HELZ: variants seen among roughly 807,000 people sequenced by gnomAD.
HELZ encodes the protein helicase with zinc finger, also known as ATP-dependent RNA helicase with zinc finger domain.
A neutral mutation model predicts 218.2 loss-of-function variants in HELZ; 23 were observed. The observed-to-expected ratio is 0.11, with a 90% CI of 0.08 to 0.15. HELZ has a LOEUF of 0.15. Ranked by LOEUF, HELZ falls within the 10% of genes least tolerant of loss-of-function variation. The pLI is 1.00. For missense variants in HELZ, 1,813 were observed against 2,353.7 expected, an observed-to-expected ratio of 0.77 and a Z score of 4.75; for synonymous variants, 814 against 829.4, an observed-to-expected ratio of 0.98 and a Z score of 0.32.
chr17:67,122,046 T>A (rs2037625816), intron 26 of HELZ, among the ~76,000 whole-genome samples: 1 of 152,218 alleles, frequency 6.6e-6, no homozygotes, highest in South Asian at 2.1e-4. Flanking sequence ...AATATTTAGA[T>A]TTACAAATTA....
Position 67,128,861 on chromosome 17 carries a change from GA to G in HELZ, c.3183-7del, listed in dbSNP as rs747493370. On this transcript the variant is annotated splice_polypyrimidine_tract_variant and splice_region_variant and intron_variant, in intron 23 of 32. Transcript: ENST00000358691. Reference sequence around the variant, plus strand: ...TAAACCGTTCCCAAAATTTCCTACAGAAAAGATTTACAAGATCAGATTACAA... The same window carrying G: ...TAAACCGTTCCCAAAATTTCCTACAGAAAGATTTACAAGATCAGATTACAA... 1.8e-5 allele frequency: 29 copies of G among 1,604,394 alleles called. No individual in the cohort carries two copies. In the African/African-American group the frequency reaches 3.5e-4, roughly 19 times the overall value.
At chr17:67,162,887 AG>A (rs2039031082) in intron 15 of HELZ, among the ~76,000 whole-genome samples, 1 of 152,200 alleles carries the variant, frequency 6.6e-6, no homozygotes, top group South Asian at 2.1e-4. Flanking sequence ...TACATAGTAG[AG>A]GAGGGTGAGG....
intron 7 of HELZ, among the ~76,000 whole-genome samples, chr17:67,197,319 TG>T: frequency 6.6e-6 from 1 of 152,348 alleles, no homozygotes; most frequent in African/African-American, 2.4e-5. Flanking sequence ...CCCAGCCACA[TG>T]GAACTGTGAG....
intron 15 of HELZ, among the ~76,000 whole-genome samples, chr17:67,164,061 TTTC>T (rs993651530): frequency 1.6e-4 from 24 of 152,206 alleles, no homozygotes; most frequent in Non-Finnish European, 2.9e-4. Context: ...AATTGAAACT[TTTC>T]TTCTTTAAAC....
chr17:67,225,261 A>C (rs754502085), intron 3 of HELZ: 90 of 217,104 alleles, frequency 4.1e-4, no homozygotes, highest in Admixed American at 1.2e-3. Flanking sequence ...AGATATTAGA[A>C]TTGTTATTAT....
At position 67,167,319 on chromosome 17, in the gene HELZ, G is replaced by T. The variant is rs1598355843; in HGVS notation, c.1764+144C>A. On this transcript the variant is annotated intron_variant, in intron 14 of 32. Coordinates refer to ENST00000358691, the MANE Select transcript of HELZ (RefSeq NM_014877.4). ...TCACTTTTCTCTGGGAGTTACTACA[G>T]GTGCAATTTTCAACCCACCACTGTA... is the stretch of plus-strand genomic sequence containing the variant. The T allele has an allele frequency of 8.5e-6, 5 of 588,276 alleles. No individual in the cohort carries two copies. In the Admixed American group the frequency reaches 9.4e-5, roughly 11 times the overall value. The allele number at this position is 588,276 out of a possible 1,614,324, so 36.4% of individuals were successfully genotyped here. A position where few individuals can be genotyped will look rare whatever the true frequency, so the allele number is the denominator to read the frequency against.
rs73343136 is a variant in HELZ at position 67,130,307 on chromosome 17, C to G, written c.3183-1452G>C. Among the ~76,000 whole-genome samples, 1,167 of 151,666 alleles carry G rather than the reference C, an allele frequency of 7.7e-3. 11 individuals are homozygous for G. Among genetic ancestry groups the G allele is most frequent in the African/African-American group, 0.027 (1,109 of 41,342 alleles). On this transcript the variant is annotated intron_variant, in intron 23 of 32. Coordinates refer to ENST00000358691, the MANE Select transcript of HELZ (RefSeq NM_014877.4). ...ACAACTTATCCATGTAAACAAAAAC[C>G]ACTTGTACCCATAAAGCTGTCGAAA...
intron 32 of HELZ, among the ~76,000 whole-genome samples, chr17:67,085,565 A>AT (rs767349652): frequency 3.7e-4 from 56 of 151,906 alleles, no homozygotes; most frequent in East Asian, 1.5e-3. Context: ...TTTTTTTTTA[A>AT]TTTTTTTTAC....
At chr17:67,205,138 C>A (rs911761242) in intron 5 of HELZ, among the ~76,000 whole-genome samples, 1 of 151,970 alleles carries the variant, frequency 6.6e-6, no homozygotes, top group African/African-American at 2.4e-5. Context: ...ACAAGCCTGG[C>A]CAACATGGTG....
intron 17 of HELZ, among the ~76,000 whole-genome samples, chr17:67,152,465 C>T (rs1301989534): frequency 3.9e-5 from 6 of 152,052 alleles, no homozygotes; most frequent in African/African-American, 1.4e-4. Context: ...TCGAGAGTAA[C>T]GCCAACAGAA....
chr17:67,177,339 T>A lies in HELZ; in HGVS notation c.1430+1320A>T, dbSNP rs532515138. Among the ~76,000 whole-genome samples the A allele has an allele frequency of 2.0e-5, 3 of 152,274 alleles. No homozygotes were observed. In the East Asian group the frequency reaches 5.8e-4, roughly 29 times the overall value. On this transcript the variant is annotated intron_variant, in intron 13 of 32. Coordinates refer to ENST00000358691, the MANE Select transcript of HELZ (RefSeq NM_014877.4). ...AGACAAGTTTCCACTTTTAAAAGAT[T>A]ATTTTGAATATAATAATACTAAGCT...
At chr17:67,095,728 T>C (rs2036722704) in intron 31 of HELZ, among the ~76,000 whole-genome samples, 1 of 152,228 alleles carries the variant, frequency 6.6e-6, no homozygotes, top group Non-Finnish European at 1.5e-5. Context: ...TGGAATCAAC[T>C]TCTTCCAAAC....
intron 5 of HELZ, among the ~76,000 whole-genome samples, chr17:67,205,916 T>A (rs1260132866): frequency 6.6e-6 from 1 of 152,262 alleles, no homozygotes; most frequent in Non-Finnish European, 1.5e-5. Flanking sequence ...TCAATTTATG[T>A]ATGGGAGGAT....
At chr17:67,214,259 CTTTT>C (rs777420102) in intron 5 of HELZ, among the ~76,000 whole-genome samples, 2 of 87,730 alleles carry the variant, frequency 2.3e-5, no homozygotes, top group African/African-American at 9.3e-5. Flanking sequence ...ATTAATATTT[CTTTT>C]TTTTTTTTTT....
chr17:67,167,190 GTTTCT>G (rs2039170265), intron 14 of HELZ, among the ~76,000 whole-genome samples: 2 of 152,314 alleles, frequency 1.3e-5, no homozygotes, highest in South Asian at 2.1e-4. Flanking sequence ...AGCTTACATA[GTTTCT>G]TTTCATCTTT....
In HELZ at chr17:67,120,205, C is replaced by T. The variant is rs150440773; in HGVS notation, c.3838+200G>A. Among the ~76,000 whole-genome samples, 245 of 151,624 alleles carry T rather than the reference C, an allele frequency of 1.6e-3. 1 individual carries two copies. The highest frequency in any genetic ancestry group is 5.7e-3 in the African/African-American group (234 of 41,340). On this transcript the variant is annotated intron_variant, in intron 27 of 32. Coordinates refer to ENST00000358691, the MANE Select transcript of HELZ (RefSeq NM_014877.4). Reference sequence around the variant, plus strand: ...ATTTTTAGTAGAGATGGGATTTCACCGTGTTAGCCAGGATGGTCTCGATCT... The same window carrying T: ...ATTTTTAGTAGAGATGGGATTTCACTGTGTTAGCCAGGATGGTCTCGATCT...
chr17:67,237,494 G>A (rs543774715), intron 3 of HELZ, among the ~76,000 whole-genome samples: 2 of 152,166 alleles, frequency 1.3e-5, no homozygotes, highest in Non-Finnish European at 2.9e-5. Flanking sequence ...AAAAGGCAGT[G>A]TGGACTCAGA....
At chr17:67,142,721 A>T (rs2038366562) in intron 21 of HELZ, among the ~76,000 whole-genome samples, 1 of 150,602 alleles carries the variant, frequency 6.6e-6, no homozygotes, top group South Asian at 2.1e-4. Context: ...TAAAACAAAA[A>T]GCTGTACTAA....
rs138532044 is a variant in HELZ at position 67,236,736 on chromosome 17, GATA to G, written c.-19+2694_-19+2696del. Among the ~76,000 whole-genome samples, 1,099 of 152,062 alleles carry G rather than the reference GATA, an allele frequency of 7.2e-3. 3 individuals are homozygous for G. Among genetic ancestry groups the G allele is most frequent in the Non-Finnish European group, 0.011 (715 of 67,972 alleles). On this transcript the variant is annotated intron_variant, in intron 3 of 32. Coordinates refer to ENST00000358691, the MANE Select transcript of HELZ (RefSeq NM_014877.4). ...CCAAAAAGAAAATCAATTGTCTTAGGATAATAACCCAACATTTAACAATTTATT... is the reference window on the plus strand; with the variant it reads ...CCAAAAAGAAAATCAATTGTCTTAGGATAACCCAACATTTAACAATTTATT...
Sources: allele counts gnomAD v4.1 joint callset (sites outside exome capture counted in the v4.1 genomes callset), GRCh38; gene constraint gnomAD v4.1.1; transcripts MANE v1.5; gene names NCBI Gene and HGNC (gene_info 2026-07-23, HGNC 2026-07-21).